The following HDHD2 variants were observed in gnomAD, a reference collection of about 807,000 sequenced individuals.
HDHD2 encodes haloacid dehalogenase-like hydrolase domain-containing protein 2.
Under a neutral mutation model 24.8 loss-of-function variants are expected in HDHD2, and 26 were observed. That is an observed-to-expected ratio of 1.05 (90% CI 0.77 to 1.45). HDHD2 has a LOEUF of 1.45. HDHD2 is among the 40% of genes most tolerant of loss of function. HDHD2 has a pLI of 0.00. For synonymous variants in HDHD2, 128 were observed against 114.9 expected (o/e 1.11, Z -0.73); for missense variants, 299 against 313.4 (o/e 0.95, Z 0.35).
chr18:47,114,025 T>C (rs781506951), intron 5 of HDHD2, among the ~76,000 whole-genome samples: 9 of 152,148 alleles, frequency 5.9e-5, no homozygotes, highest in Non-Finnish European at 7.3e-5. Context: ...CCACCTCTCA[T>C]CCTGTCCCAG....
At chr18:47,125,570 C>G (rs2063650772) in intron 4 of HDHD2, among the ~76,000 whole-genome samples, 1 of 152,024 alleles carries the variant, frequency 6.6e-6, no homozygotes, top group African/African-American at 2.4e-5. Context: ...ACAACAAAAA[C>G]AAAGAAGCAA....
chr18:47,134,935 T>G (rs2063749838), intron 2 of HDHD2, among the ~76,000 whole-genome samples: 1 of 152,232 alleles, frequency 6.6e-6, no homozygotes. Flanking sequence ...AAAGCTCATC[T>G]GTAAAGCAGT....
At chr18:47,142,211 T>C (rs1296963223) in intron 1 of HDHD2, among the ~76,000 whole-genome samples, 1 of 152,070 alleles carries the variant, frequency 6.6e-6, no homozygotes, top group African/African-American at 2.4e-5. Flanking sequence ...AAGAATAATA[T>C]TTTGTGATAC....
intron 6 of HDHD2, chr18:47,110,077 A>G (rs1436796042): frequency 1.0e-6 from 1 of 985,202 alleles, no homozygotes; most frequent in Non-Finnish European, 1.2e-6. Flanking sequence ...TGTGGTCTCT[A>G]TTGTTGATTC....
At chr18:47,114,901 A>G (rs763130007) in intron 5 of HDHD2, among the ~76,000 whole-genome samples, 1 of 151,802 alleles carries the variant, frequency 6.6e-6, no homozygotes, top group Non-Finnish European at 1.5e-5. Flanking sequence ...ATCATAACAC[A>G]CAAATCTCCT....
rs1353370530 is a variant in HDHD2, at chr18:47,130,250, G to A, written c.389C>T (p.Ala130Val). The change falls in exon 4 of 7, where the codon GCA (alanine) becomes GTA (valine). Residue 130 changes from alanine to valine, a missense_variant. Physicochemically the swap from Ala to Val is moderately conservative, Grantham distance 64. Transcript: ENST00000300605. ...EHFHYQILNQ[A>V]FRLLLDGAPL... ...AATAAATAGCTAGGTTTACCGGAAT[G>A]CTTGATTCAGAATTTGATAATGAAA... is the stretch of plus-strand genomic sequence containing the variant. 1 of 1,578,042 alleles carries A rather than the reference G, an allele frequency of 6.3e-7. No homozygotes were observed.
intron 6 of HDHD2, among the ~76,000 whole-genome samples, 169 bp downstream of exon 6, chr18:47,112,808 G>A (rs73954236): frequency 1.3e-5 from 2 of 152,092 alleles, no homozygotes; most frequent in Admixed American, 6.6e-5. Context: ...TGTACAGCAC[G>A]GGCCCTTCCC....
chr18:47,118,365 G>C (rs554688070), intron 4 of HDHD2, among the ~76,000 whole-genome samples: 8 of 152,312 alleles, frequency 5.3e-5, no homozygotes, highest in African/African-American at 1.9e-4. Context: ...GCCCGTCAGT[G>C]ATAGACTGGA....
intron 4 of HDHD2, among the ~76,000 whole-genome samples, chr18:47,118,359 G>A (rs773326874): frequency 2.6e-5 from 4 of 152,120 alleles, no homozygotes; most frequent in East Asian, 3.9e-4. Flanking sequence ...CCAAATGCCC[G>A]TCAGTGATAG....
At chr18:47,136,238 G>A in intron 2 of HDHD2, 101 bp downstream of exon 2, 1 of 1,431,172 alleles carries the variant, frequency 7.0e-7, no homozygotes, top group Non-Finnish European at 9.5e-7. Context: ...TGGTTAAGAT[G>A]GTAAAATGCC....
intron 4 of HDHD2, among the ~76,000 whole-genome samples, chr18:47,119,374 AT>A (rs1189523879): frequency 6.6e-6 from 1 of 152,220 alleles, no homozygotes; most frequent in African/African-American, 2.4e-5. Flanking sequence ...AGTTTATGTA[AT>A]ATTATAAATC....
chr18:47,144,954 C>T (rs940710849), intron 1 of HDHD2, among the ~76,000 whole-genome samples: 3 of 152,132 alleles, frequency 2.0e-5, no homozygotes, highest in South Asian at 2.1e-4. Flanking sequence ...CCTATAAGGG[C>T]TTCTTATTCT....
intron 3 of HDHD2, among the ~76,000 whole-genome samples, chr18:47,132,324 A>C (rs1347873245): frequency 2.0e-5 from 3 of 152,212 alleles, no homozygotes; most frequent in Non-Finnish European, 4.4e-5. Flanking sequence ...AATATATCAC[A>C]GTTTATTCAA....
At chr18:47,133,273 G>T (rs899087936) in intron 3 of HDHD2, among the ~76,000 whole-genome samples, 1 of 151,344 alleles carries the variant, frequency 6.6e-6, no homozygotes, top group Admixed American at 6.6e-5. Context: ...GCAATAGTTT[G>T]CTGAGAATGG....
intron 1 of HDHD2, among the ~76,000 whole-genome samples, chr18:47,141,191 C>T: frequency 6.6e-6 from 1 of 152,206 alleles, no homozygotes; most frequent in East Asian, 1.9e-4. Flanking sequence ...ATTTTACCTA[C>T]TACTTTTTCT....
chr18:47,112,928 G>T, intron 6 of HDHD2, 49 bp downstream of exon 6: 2 of 1,448,140 alleles, frequency 1.4e-6, no homozygotes, highest in South Asian at 1.1e-5. Flanking sequence ...AAGCAACTGT[G>T]TATTCTACTA....
intron 4 of HDHD2, among the ~76,000 whole-genome samples, chr18:47,126,395 T>C (rs1411335960): frequency 3.3e-5 from 5 of 152,256 alleles, no homozygotes; most frequent in African/African-American, 9.6e-5. Flanking sequence ...ATTAAACTTG[T>C]AATTTTTCCT....
intron 4 of HDHD2, among the ~76,000 whole-genome samples, chr18:47,116,166 C>T (rs968710966): frequency 1.3e-4 from 20 of 152,198 alleles, no homozygotes; most frequent in African/African-American, 4.8e-4. Context: ...CAACCTAAAA[C>T]AACTGCCATC....
rs1431833311 is a variant in HDHD2, at chr18:47,111,735, C to G, written c.676+1242G>C. On this transcript the variant is annotated intron_variant, in intron 6 of 6. Transcript: ENST00000300605. ...ACAGTGTTTTCACTCTTTGTGCAGACCTTTGCCACATACTTCTTATTCAAT... is the reference window on the plus strand; with the variant it reads ...ACAGTGTTTTCACTCTTTGTGCAGAGCTTTGCCACATACTTCTTATTCAAT... The G allele has an allele frequency of 5.9e-5, 58 of 985,192 alleles. 1 individual carries two copies. 61.0% of individuals were successfully genotyped at this position (985,192 alleles called of 1,614,324 possible).
Sources: gnomAD v4.1 joint callset for allele counts (sites outside exome capture counted in the v4.1 genomes callset) on GRCh38, gnomAD v4.1.1 for gene constraint, MANE v1.5 for transcripts, NCBI Gene and HGNC (gene_info 2026-07-23, HGNC 2026-07-21) for gene names.